The following ATP9A variants were observed in gnomAD, a reference collection of about 807,000 sequenced individuals.
ATP9A encodes the protein probable phospholipid-transporting ATPase IIA.
In ATP9A, 52 loss-of-function variants were observed where a neutral mutation model predicts 144.1. The observed-to-expected ratio is 0.36, with a 90% CI of 0.29 to 0.45. ATP9A has a LOEUF of 0.45. ATP9A is among the 20% of genes least tolerant of loss of function. The pLI is 1.00. For missense variants in ATP9A, 947 were observed against 1,392.7 expected (o/e 0.68, Z 5.09); for synonymous variants, 582 against 557.4 (o/e 1.04, Z -0.62).
intron 15 of ATP9A, among the ~76,000 whole-genome samples, chr20:51,636,005 T>C (rs1028481412): frequency 6.6e-6 from 1 of 152,134 alleles, no homozygotes; most frequent in African/African-American, 2.4e-5. Flanking sequence ...TGAATAATAC[T>C]GACCCCATAT....
chr20:51,658,490 C>A (rs2077396442), intron 13 of ATP9A, among the ~76,000 whole-genome samples: 1 of 150,424 alleles, frequency 6.6e-6, no homozygotes, highest in Non-Finnish European at 1.5e-5. Flanking sequence ...GTTCCTCTGT[C>A]ACACATCGGG....
chr20:51,765,587 C>T (rs544400444), intron 1 of ATP9A, among the ~76,000 whole-genome samples: 55 of 141,946 alleles, frequency 3.9e-4, no homozygotes, highest in African/African-American at 1.4e-3. Context: ...GGAATGCGGA[C>T]GTTGCAGTGA....
At chr20:51,626,100 G>T (rs1461111616) in intron 17 of ATP9A, among the ~76,000 whole-genome samples, 1 of 152,210 alleles carries the variant, frequency 6.6e-6, no homozygotes, top group African/African-American at 2.4e-5. Flanking sequence ...TAAACAAGAC[G>T]AGGACCCTCC....
chr20:51,603,541 G>A (rs2077151143), intron 27 of ATP9A, among the ~76,000 whole-genome samples: 1 of 152,168 alleles, frequency 6.6e-6, no homozygotes, highest in Non-Finnish European at 1.5e-5. Flanking sequence ...TGGTGGCCCT[G>A]CAGGGACTTG....
intron 1 of ATP9A, among the ~76,000 whole-genome samples, chr20:51,744,722 C>T (rs544360480): frequency 2.6e-5 from 4 of 152,284 alleles, no homozygotes; most frequent in South Asian, 2.1e-4. Context: ...GTTAGCACTG[C>T]GCAAATATTT....
At chr20:51,768,236 G>A (rs2077914289) in intron 1 of ATP9A, 66 bp downstream of exon 1, 1 of 1,103,660 alleles carries the variant, frequency 9.1e-7, no homozygotes. Flanking sequence ...GGCCCGGCCA[G>A]GCTGGCCCGA....
At position 51,604,857 on chromosome 20, in the gene ATP9A, G is replaced by C. The variant is rs1391295308; in HGVS notation, c.2967C>G (p.Ala989=). The change falls in exon 27 of 28, where the codon GCC becomes GCG. Residue 989 remains alanine (A), a synonymous_variant. Transcript: ENST00000338821. ...AGAACACCAGGGAGGCGATGTAGCA[G>C]GCCAGGCTGAGCAGCTCCGCCACTG... is the stretch of plus-strand genomic sequence containing the variant. ...LMTVAELLSL[A]CYIASLVFLH... is the part of the protein sequence containing the mutation. The C allele has an allele frequency of 1.3e-6, 2 of 1,570,564 alleles. No homozygotes were observed. Among genetic ancestry groups the C allele is most frequent in the Non-Finnish European group, 1.7e-6 (2 of 1,156,936 alleles).
At chr20:51,758,169 A>G (rs2077864337) in intron 1 of ATP9A, among the ~76,000 whole-genome samples, 1 of 152,228 alleles carries the variant, frequency 6.6e-6, no homozygotes, top group Non-Finnish European at 1.5e-5. Context: ...TACAAACAGA[A>G]GGGCTCATAA....
intron 4 of ATP9A, among the ~76,000 whole-genome samples, chr20:51,711,032 T>C (rs866246922): frequency 6.6e-6 from 1 of 152,164 alleles, no homozygotes; most frequent in Admixed American, 6.6e-5. Context: ...GAGGATTTAA[T>C]ATACACGAAC....
chr20:51,674,621 T>C (rs1052026210), intron 10 of ATP9A, among the ~76,000 whole-genome samples: 1 of 152,182 alleles, frequency 6.6e-6, no homozygotes, highest in African/African-American at 2.4e-5. Context: ...CTTGGAAATG[T>C]ATCAGCGAGT....
chr20:51,711,175 ATGAATAAAGCATT>A (rs1168143019), intron 4 of ATP9A, among the ~76,000 whole-genome samples: 1 of 152,194 alleles, frequency 6.6e-6, no homozygotes, highest in African/African-American at 2.4e-5. Flanking sequence ...GTAGTTTAGC[ATGAATAAAGCATT>A]TCTTTACCAA....
At chr20:51,643,043 A>G (rs1177353196) in intron 14 of ATP9A, among the ~76,000 whole-genome samples, 1 of 152,162 alleles carries the variant, frequency 6.6e-6, no homozygotes, top group East Asian at 1.9e-4. Context: ...CAGCTCTGAA[A>G]ATGTATCTTT....
At chr20:51,685,175 A>G (rs922056953) in intron 9 of ATP9A, among the ~76,000 whole-genome samples, 14 of 152,226 alleles carry the variant, frequency 9.2e-5, no homozygotes, top group African/African-American at 3.1e-4. Flanking sequence ...CTGGCTAGAT[A>G]CACATGTAAG....
chr20:51,703,321 T>G (rs1247945311), intron 4 of ATP9A, among the ~76,000 whole-genome samples: 1 of 152,194 alleles, frequency 6.6e-6, no homozygotes, highest in African/African-American at 2.4e-5. Context: ...AACTCTGAAC[T>G]TTTCCTGTAA....
intron 2 of ATP9A, among the ~76,000 whole-genome samples, chr20:51,727,180 C>T (rs2077718364): frequency 1.3e-5 from 2 of 151,014 alleles, no homozygotes; most frequent in Non-Finnish European, 2.9e-5. Context: ...GAGGTTGAGG[C>T]AAGAGAATCG....
chr20:51,713,895 T>A (rs144934797), intron 3 of ATP9A, among the ~76,000 whole-genome samples: 96 of 152,320 alleles, frequency 6.3e-4, no homozygotes, highest in African/African-American at 8.7e-4. Flanking sequence ...TCAGCCTATC[T>A]GTAATGTCTT....
chr20:51,767,838 C>T (rs2077912083), intron 1 of ATP9A, among the ~76,000 whole-genome samples: 2 of 152,200 alleles, frequency 1.3e-5, no homozygotes. Flanking sequence ...TACCCCGAGG[C>T]GTAGGCCGCG....
chr20:51,708,636 G>C (rs775984566), intron 4 of ATP9A, among the ~76,000 whole-genome samples: 1 of 152,196 alleles, frequency 6.6e-6, no homozygotes, highest in African/African-American at 2.4e-5. Flanking sequence ...TTGAGTGGCC[G>C]AGGCAGGGAG....
intron 14 of ATP9A, among the ~76,000 whole-genome samples, chr20:51,641,831 C>CAAAAAAAAAAAA (rs1218133688): frequency 1.1e-4 from 9 of 79,678 alleles, no homozygotes; most frequent in South Asian, 6.5e-4. Flanking sequence ...AACTCCATCT[C>CAAAAAAAAAAAA]AAAAAAAAAA....
Sources: allele counts gnomAD v4.1 joint callset (sites outside exome capture counted in the v4.1 genomes callset), GRCh38; gene constraint gnomAD v4.1.1; transcripts MANE v1.5; gene names NCBI Gene and HGNC (gene_info 2026-07-23, HGNC 2026-07-21).